Variants in IL1RAPL1 observed in about 807,000 individuals in gnomAD.
IL1RAPL1 encodes the protein interleukin-1 receptor accessory protein-like 1.
A neutral mutation model predicts 48.4 loss-of-function variants in IL1RAPL1; 3 were observed. That is an observed-to-expected ratio of 0.06 (90% CI 0.03 to 0.16). The LOEUF (loss-of-function observed/expected upper bound fraction) is 0.16, where lower values mean the gene tolerates loss of function less well. IL1RAPL1 is among the 10% of genes least tolerant of loss of function. The probability of loss-of-function intolerance (pLI) is 1.00; values close to 1 mark genes in which losing one functional copy is unlikely to be tolerated. For missense variants in IL1RAPL1, 349 were observed against 530.6 expected (o/e 0.66, Z 3.36); for synonymous variants, 185 against 187.7 (o/e 0.99, Z 0.12).
chrX:28,820,609 C>T (rs899384728), intron 2 of IL1RAPL1, among the ~76,000 whole-genome samples: 1 of 111,397 alleles, frequency 9.0e-6, no homozygotes, highest in South Asian at 3.7e-4. Flanking sequence ...TTTTTTAAGT[C>T]GGAAGAGTTT....
At position 28,972,445 on chromosome X, in the gene IL1RAPL1, A is replaced by G. The variant is rs1001298992; in HGVS notation, c.82+183020A>G. ...GTAAGAGACGGAACTAAAATTCAAAACATGTGCTGTGGGTCGGGCGCGGTG... is the reference window on the plus strand; with the variant it reads ...GTAAGAGACGGAACTAAAATTCAAAGCATGTGCTGTGGGTCGGGCGCGGTG... On this transcript the variant is annotated intron_variant, in intron 2 of 10. Coordinates refer to ENST00000378993, the MANE Select transcript of IL1RAPL1 (RefSeq NM_014271.4). 5.4e-5 allele frequency among the ~76,000 whole-genome samples: 6 copies of G among 111,887 alleles called. No homozygotes were observed. In the East Asian group the frequency reaches 1.7e-3, roughly 32 times the overall value.
chrX:29,503,502 C>T (rs901556047), intron 5 of IL1RAPL1, among the ~76,000 whole-genome samples: 8 of 111,724 alleles, frequency 7.2e-5, no homozygotes, highest in Non-Finnish European at 1.3e-4. Flanking sequence ...ATGAACTTTG[C>T]TAGTAGTACT....
At chrX:29,593,838 A>G (rs1378890247) in intron 5 of IL1RAPL1, among the ~76,000 whole-genome samples, 1 of 112,079 alleles carries the variant, frequency 8.9e-6, no homozygotes, top group Non-Finnish European at 1.9e-5. Context: ...GATCCAGATT[A>G]TCTTTAATGA....
chrX:29,233,303 C>A (rs982470729), intron 2 of IL1RAPL1, among the ~76,000 whole-genome samples: 2 of 110,906 alleles, frequency 1.8e-5, no homozygotes, highest in Admixed American at 1.9e-4. Context: ...CTCCAGGATC[C>A]TGCTGGACAT....
At chrX:29,174,034 C>T (rs1569252111) in intron 2 of IL1RAPL1, among the ~76,000 whole-genome samples, 1 of 110,209 alleles carries the variant, frequency 9.1e-6, no homozygotes, top group Non-Finnish European at 1.9e-5. Context: ...GATTCTCCTG[C>T]CTCAGCCTCC....
At chrX:29,317,512 A>G (rs1418191900) in intron 3 of IL1RAPL1, among the ~76,000 whole-genome samples, 2 of 112,385 alleles carry the variant, frequency 1.8e-5, no homozygotes, top group Non-Finnish European at 3.8e-5. Flanking sequence ...ACATGACAGA[A>G]GGATAAAAAT....
intron 5 of IL1RAPL1, among the ~76,000 whole-genome samples, chrX:29,541,511 C>A (rs1340849173): frequency 9.0e-6 from 1 of 111,414 alleles, no homozygotes; most frequent in Non-Finnish European, 1.9e-5. Context: ...TTGGTAATAG[C>A]AAAGACATGG....
intron 1 of IL1RAPL1, chrX:28,659,293 T>G: frequency 1.8e-6 from 1 of 553,679 alleles, no homozygotes; most frequent in African/African-American, 2.2e-5. Context: ...GAATCAGAAG[T>G]TCAGTGGACT....
chrX:29,885,424 G>A (rs151225682), intron 6 of IL1RAPL1, among the ~76,000 whole-genome samples: 2 of 111,619 alleles, frequency 1.8e-5, no homozygotes, highest in Non-Finnish European at 3.8e-5. Flanking sequence ...CCATGGGGGC[G>A]GAAAGTTTTG....
chrX:29,936,107 C>T (rs182547318), intron 8 of IL1RAPL1, among the ~76,000 whole-genome samples: 179 of 109,597 alleles, frequency 1.6e-3, no homozygotes, highest in African/African-American at 5.2e-3. Context: ...CCCCACCCCC[C>T]GCAAAAATAA....
chrX:28,801,115 C>T (rs1056199432), intron 2 of IL1RAPL1, among the ~76,000 whole-genome samples: 2 of 109,896 alleles, frequency 1.8e-5, no homozygotes, highest in Non-Finnish European at 1.9e-5. Flanking sequence ...CTCCTGACCT[C>T]GTAATCCGCC....
intron 2 of IL1RAPL1, among the ~76,000 whole-genome samples, chrX:28,802,180 A>G (rs1569176199): frequency 1.8e-5 from 2 of 112,544 alleles, no homozygotes; most frequent in Admixed American, 1.9e-4. Context: ...AATAGCACAC[A>G]GTATATCATT....
intron 1 of IL1RAPL1, among the ~76,000 whole-genome samples, chrX:28,785,577 G>C (rs1936465835): frequency 9.0e-6 from 1 of 111,674 alleles, no homozygotes; most frequent in African/African-American, 3.3e-5. Context: ...CATTTTGCCT[G>C]TCCTATAAAT....
At chrX:29,691,179 A>G (rs901336708) in intron 6 of IL1RAPL1, among the ~76,000 whole-genome samples, 2 of 111,356 alleles carry the variant, frequency 1.8e-5, no homozygotes, top group African/African-American at 3.3e-5. Context: ...TTTCCATGCT[A>G]TATTGATTCC....
At chrX:29,119,704 G>C (rs1043012815) in intron 2 of IL1RAPL1, among the ~76,000 whole-genome samples, 1 of 111,193 alleles carries the variant, frequency 9.0e-6, no homozygotes, top group African/African-American at 3.3e-5. Context: ...GGACAGCCCA[G>C]TCATAAATCA....
At chrX:28,999,201 T>TC (rs201572987) in intron 2 of IL1RAPL1, among the ~76,000 whole-genome samples, 2,283 of 111,325 alleles carry the variant, frequency 0.021, 67 homozygotes, top group African/African-American at 0.07. Flanking sequence ...TCCCTCTCTT[T>TC]CTTCTTTCCC....
At chrX:29,801,603 A>G (rs775172105) in intron 6 of IL1RAPL1, among the ~76,000 whole-genome samples, 96 of 112,128 alleles carry the variant, frequency 8.6e-4, no homozygotes, top group Admixed American at 1.8e-3. Flanking sequence ...TAGAAATGAT[A>G]GTGTGTTGAT....
intron 5 of IL1RAPL1, among the ~76,000 whole-genome samples, chrX:29,590,128 A>G (rs1923319487): frequency 9.0e-6 from 1 of 110,955 alleles, no homozygotes. Flanking sequence ...AACAGATCTC[A>G]CGAGAACTAA....
chrX:29,767,972 A>G (rs936761035), intron 6 of IL1RAPL1, among the ~76,000 whole-genome samples: 4 of 111,514 alleles, frequency 3.6e-5, no homozygotes, highest in Admixed American at 2.9e-4. Context: ...AAAATCCTCC[A>G]TTATGTTTAT....
Sources: gnomAD v4.1 joint callset for allele counts (sites outside exome capture counted in the v4.1 genomes callset) on GRCh38, gnomAD v4.1.1 for gene constraint, MANE v1.5 for transcripts, NCBI Gene and HGNC (gene_info 2026-07-23, HGNC 2026-07-21) for gene names.